The following RFTN1 variants were observed in gnomAD, a reference collection of about 807,000 sequenced individuals.
The protein encoded by RFTN1 is raftlin.
Under a neutral mutation model 46.5 loss-of-function variants are expected in RFTN1, and 26 were observed. That is an observed-to-expected ratio of 0.56 (90% CI 0.41 to 0.78). The LOEUF (loss-of-function observed/expected upper bound fraction) is 0.78, where lower values mean the gene tolerates loss of function less well. RFTN1 is among the 30% of genes least tolerant of loss of function. The pLI is 0.00. For missense variants in RFTN1, 693 were observed against 718.7 expected, an observed-to-expected ratio of 0.96 and a Z score of 0.41; for synonymous variants, 261 against 284.2, an observed-to-expected ratio of 0.92 and a Z score of 0.82.
intron 7 of RFTN1, among the ~76,000 whole-genome samples, chr3:16,354,614 C>T (rs2072311642): frequency 6.6e-6 from 1 of 152,230 alleles, no homozygotes; most frequent in Admixed American, 6.5e-5. Flanking sequence ...TAGCATATGG[C>T]ATCCTTCCAC....
rs1270174019 is a variant in RFTN1, at chr3:16,329,902, C to G, written c.1147-3026G>C. Among the ~76,000 whole-genome samples, 2 of 152,152 alleles carry G rather than the reference C, an allele frequency of 1.3e-5. No individual in the cohort carries two copies. The highest frequency in any genetic ancestry group is 4.8e-5 in the African/African-American group (2 of 41,428). On this transcript the variant is annotated intron_variant, in intron 7 of 9. Transcript: ENST00000334133. The surrounding 1 kb of genome is among the most constrained non-coding windows in gnomAD (Gnocchi z 4.5). Reference sequence around the variant, plus strand: ...GGCTGCATCTCGGGCCAGGTTTTCTCTGCGGGCACCCAGAGCTGCGAGACA... The same window carrying G: ...GGCTGCATCTCGGGCCAGGTTTTCTGTGCGGGCACCCAGAGCTGCGAGACA...
rs575270686 is a variant in RFTN1, at chr3:16,345,949, G to C, written c.1146+11983C>G. 6.6e-6 allele frequency: 1 copy of C among 151,970 alleles called. No individual in the cohort carries two copies. The highest frequency in any genetic ancestry group is 1.5e-5 in the Non-Finnish European group (1 of 68,004). 9.4% of individuals were successfully genotyped at this position (151,970 alleles called of 1,614,324 possible). ...TGGCATACACTGAATATTTTAAACC[G>C]CATTTGTCACAGGATTTTGAAAACG... On this transcript the variant is annotated intron_variant, in intron 7 of 9. Transcript: ENST00000334133. The surrounding 1 kb of genome is among the most constrained non-coding windows in gnomAD (Gnocchi z 5.2).
At position 16,493,947 on chromosome 3, in the gene RFTN1, A is replaced by G. The variant is rs140072561; in HGVS notation, c.-8-70T>C. 9,884 of 1,551,354 alleles carry G rather than the reference A, an allele frequency of 6.4e-3. 67 individuals are homozygous for G. Among genetic ancestry groups the G allele is most frequent in the Middle Eastern group, 0.022 (126 of 5,850 alleles). On this transcript the variant is annotated intron_variant, in intron 1 of 9. Transcript: ENST00000334133. Reference sequence around the variant, plus strand: ...ATTTTGTCTTTAAACACCCTAGTATAAAAGATGCCGTAATTTTCCTGAAGA... The same window carrying G: ...ATTTTGTCTTTAAACACCCTAGTATGAAAGATGCCGTAATTTTCCTGAAGA...
chr3:16,386,275 G>C (rs2074169820), intron 4 of RFTN1, among the ~76,000 whole-genome samples: 1 of 152,236 alleles, frequency 6.6e-6, no homozygotes, highest in African/African-American at 2.4e-5. Context: ...GCAGGGAAGA[G>C]CAAATGTTCA....
At chr3:16,438,350 C>T (rs1301204798) in intron 2 of RFTN1, among the ~76,000 whole-genome samples, 3 of 151,710 alleles carry the variant, frequency 2.0e-5, no homozygotes, top group Admixed American at 6.6e-5. Context: ...TTTAGGAGGC[C>T]GAGGCGGGTG....
chr3:16,375,125 T>TA (rs1289303048), intron 5 of RFTN1, among the ~76,000 whole-genome samples: 1 of 151,472 alleles, frequency 6.6e-6, no homozygotes, highest in East Asian at 1.9e-4. Context: ...AGAAGAGGAG[T>TA]AAAAAACACT....
At chr3:16,331,724 G>C (rs1457940442) in intron 7 of RFTN1, among the ~76,000 whole-genome samples, 1 of 152,156 alleles carries the variant, frequency 6.6e-6, no homozygotes, top group Non-Finnish European at 1.5e-5. Flanking sequence ...TCATGCCTGG[G>C]TTCTTCGTAA....
In RFTN1 at chr3:16,352,810, T is replaced by G. The variant is rs963630568; in HGVS notation, c.1146+5122A>C. 6.6e-6 allele frequency among the ~76,000 whole-genome samples: 1 copy of G among 152,154 alleles called. No homozygotes were observed. Among genetic ancestry groups the G allele is most frequent in the Non-Finnish European group, 1.5e-5 (1 of 68,032 alleles). On this transcript the variant is annotated intron_variant, in intron 7 of 9. Coordinates refer to ENST00000334133, the MANE Select transcript of RFTN1 (RefSeq NM_015150.2). This position sits in a 1 kb window ranked among gnomAD's most constrained non-coding sequence, Gnocchi z 4.6. ...GTATCCCCATTTATACAACTGAAAA[T>G]AGAAAAAGCAGGTGTGGTTTACTTT...
intron 2 of RFTN1, chr3:16,434,824 A>G (rs2075470877): frequency 6.6e-6 from 1 of 152,212 alleles, no homozygotes; most frequent in Non-Finnish European, 1.5e-5. Flanking sequence ...TTAAATTTGC[A>G]AAACACTCCC....
At chr3:16,496,656 T>A in intron 1 of RFTN1, among the ~76,000 whole-genome samples, 1 of 152,172 alleles carries the variant, frequency 6.6e-6, no homozygotes, top group Non-Finnish European at 1.5e-5. Context: ...TACAACCACC[T>A]TGGAAAACTG....
At chr3:16,324,593 T>A (rs2069468319) in intron 8 of RFTN1, among the ~76,000 whole-genome samples, 1 of 141,436 alleles carries the variant, frequency 7.1e-6, no homozygotes, top group Non-Finnish European at 1.5e-5. Flanking sequence ...ATCCTTGTAA[T>A]AAATAACAGA....
At chr3:16,487,493 G>A (rs1007271850) in intron 2 of RFTN1, among the ~76,000 whole-genome samples, 24 of 152,228 alleles carry the variant, frequency 1.6e-4, no homozygotes, top group Non-Finnish European at 3.2e-4. Flanking sequence ...GCCACACATG[G>A]CTACTGAGCA....
intron 7 of RFTN1, among the ~76,000 whole-genome samples, chr3:16,347,384 A>C (rs1332293520): frequency 6.6e-6 from 1 of 152,222 alleles, no homozygotes; most frequent in Non-Finnish European, 1.5e-5. Flanking sequence ...AGAAGTTCAA[A>C]ATCAGTATCA....
rs1435790929 is a variant in RFTN1 at position 16,326,787 on chromosome 3, G to A, written c.1236C>T (p.Val412=). 1.3e-5 allele frequency: 21 copies of A among 1,613,694 alleles called. 1 individual carries two copies. Among genetic ancestry groups the A allele is most frequent in the South Asian group, 9.9e-5 (9 of 91,044 alleles). Residue 412 remains valine, a synonymous_variant, in exon 8 of 10, where the codon GTC becomes GTT. Coordinates refer to ENST00000334133, the MANE Select transcript of RFTN1 (RefSeq NM_015150.2). The part of the protein sequence containing the change: ...WQLTCVLPTP[V]VKTTSEGSVS... ...GTTATTGTTACCTGGTAGTCTTGAC[G>A]ACGGGAGTTGGTAGCACACAGGTGA...
chr3:16,317,078 G>A lies in RFTN1; in HGVS notation c.1487C>T (p.Ser496Leu), dbSNP rs753751024. The A allele has an allele frequency of 1.2e-5, 20 of 1,613,630 alleles. No individual in the cohort carries two copies. Among genetic ancestry groups the A allele is most frequent in the East Asian group, 6.7e-5 (3 of 44,842 alleles). ...GACTCCACCCTCCTGCTGCTGTCCT[G>A]AAACACAGTTTCCCATGTCTCCAGC... is the stretch of plus-strand genomic sequence containing the variant. ...SKAGDMGNCV[S>L]GQQQEGGVSE... The change falls in exon 10 of 10, where the codon TCA becomes TTA. Residue 496 changes from serine (S) to leucine (L), a missense_variant. Transcript: ENST00000334133. The surrounding 1 kb of genome is among the most constrained non-coding windows in gnomAD (Gnocchi z 4.3).
intron 2 of RFTN1, among the ~76,000 whole-genome samples, chr3:16,461,197 C>T (rs948556458): frequency 6.6e-6 from 1 of 152,260 alleles, no homozygotes; most frequent in Admixed American, 6.5e-5. Context: ...AAGGAATAAG[C>T]TCTGCTATAA....
At position 16,317,481 on chromosome 3, in the gene RFTN1, G is replaced by C. The variant is rs941697913; in HGVS notation, c.1333-249C>G. Among the ~76,000 whole-genome samples the C allele has an allele frequency of 6.6e-6, 1 of 152,142 alleles. No homozygotes were observed. The highest frequency in any genetic ancestry group is 6.5e-5 in the Admixed American group (1 of 15,280). ...AGATTTCAGGTTCTGTTGGGGCAGA[G>C]CAGTATTTCTTTTGACTGGCTCTAT... On this transcript the variant is annotated intron_variant, in intron 9 of 9. Transcript: ENST00000334133. The surrounding 1 kb of genome is among the most constrained non-coding windows in gnomAD (Gnocchi z 4.3).
At chr3:16,323,273 C>G in intron 9 of RFTN1, 103 bp downstream of exon 9, 2 of 815,722 alleles carry the variant, frequency 2.5e-6, no homozygotes, top group Non-Finnish European at 4.0e-6. Context: ...GCTCTGCGAG[C>G]CCTTGGAAGC....
intron 7 of RFTN1, among the ~76,000 whole-genome samples, chr3:16,339,120 G>A (rs1399221900): frequency 4.6e-5 from 7 of 152,230 alleles, no homozygotes; most frequent in Admixed American, 4.6e-4. Context: ...CTAAGGAAGG[G>A]ATTGGGTAAG....
Sources: gnomAD v4.1 joint callset for allele counts (sites outside exome capture counted in the v4.1 genomes callset) on GRCh38, gnomAD v4.1.1 for gene constraint, Gnocchi (gnomAD v3.1) non-coding constraint, MANE v1.5 for transcripts, NCBI Gene and HGNC (gene_info 2026-07-23, HGNC 2026-07-21) for gene names.